GH1: variants seen among roughly 807,000 people sequenced by gnomAD.
GH1 encodes growth hormone 1.
In GH1, 13 loss-of-function variants were observed where a neutral mutation model predicts 24.5. The observed-to-expected ratio is 0.53, with a 90% CI of 0.35 to 0.85. The LOEUF (loss-of-function observed/expected upper bound fraction) is 0.85, where lower values mean the gene tolerates loss of function less well. GH1 is among the 40% of genes least tolerant of loss of function. GH1 has a pLI of 0.01. For synonymous variants in GH1, 126 were observed against 116.3 expected (o/e 1.08, Z -0.54); for missense variants, 294 against 273.2 (o/e 1.08, Z -0.54).
At position 63,918,053 on chromosome 17, in the gene GH1, C is replaced by T. The variant is rs771560181; in HGVS notation, c.255G>A (p.Pro85=). The change falls in exon 3 of 5, where the codon CCG becomes CCA. Residue 85 remains proline (P), a synonymous_variant. Coordinates refer to ENST00000323322, the MANE Select transcript of GH1 (RefSeq NM_000515.5). The part of the protein sequence containing the change: ...QTSLCFSESI[P]TPSNREETQQ... ...GTGTTTCCTCCCTGTTGGAGGGTGT[C>T]GGAATAGACTCTGAGAAACAGAGGG... 3.8e-5 allele frequency: 61 copies of T among 1,613,960 alleles called. No individual in the cohort carries two copies. Among genetic ancestry groups the T allele is most frequent in the Middle Eastern group, 1.6e-4 (1 of 6,084 alleles).
rs367600150 is a variant in GH1, at chr17:63,918,439, G to T, written c.78C>A (p.Ala26=). The change falls in exon 2 of 5, where the codon GCC becomes GCA. Residue 26 remains alanine (A), a synonymous_variant. Coordinates refer to ENST00000323322, the MANE Select transcript of GH1 (RefSeq NM_000515.5). The part of the protein sequence containing the change: ...LCLPWLQEGS[A]FPTIPLSRLF... ...GCCTGGATAAGGGAATGGTTGGGAA[G>T]GCACTGCCCTCTTGAAGCCAGGGCA... is the stretch of plus-strand genomic sequence containing the variant. The T allele has an allele frequency of 7.4e-6, 12 of 1,614,200 alleles. No homozygotes were observed. In the East Asian group the frequency reaches 2.5e-4, roughly 33 times the overall value.
intron 2 of GH1, 39 bp from the exon 3 acceptor site, chr17:63,918,175 C>T (rs376593465): frequency 1.2e-6 from 2 of 1,613,980 alleles, no homozygotes; most frequent in Admixed American, 1.7e-5. Context: ...ACGCTGGAGA[C>T]CAGCTCCCAT....
chr17:63,917,827 C>T lies in GH1; in HGVS notation c.389G>A (p.Gly130Asp). The stretch of plus-strand genomic sequence containing the variant: ...GTCATAGACGTTGCTGTCAGAGGCG[C>T]CGTACACCAGGCTGTTGGCGAAGAC... ...RSVFANSLVYGASDSNVYDLL... is the reference protein window; with the variant it reads ...RSVFANSLVYDASDSNVYDLL... The change falls in exon 4 of 5, where the codon GGC (glycine) becomes GAC (aspartate). Residue 130 changes from glycine (G) to aspartate (D), a missense_variant. By Grantham distance (94) the Gly-to-Asp change is moderately conservative. Transcript: ENST00000323322. 2 of 1,614,194 alleles carry T rather than the reference C, an allele frequency of 1.2e-6. No individual in the cohort carries two copies. The highest frequency in any genetic ancestry group is 1.7e-6 in the Non-Finnish European group (2 of 1,180,032).
chr17:63,918,618 T>A (rs934832919), intron 1 of GH1, 112 bp from the exon 2 acceptor site: 18 of 1,609,862 alleles, frequency 1.1e-5, no homozygotes, highest in African/African-American at 5.4e-5. Context: ...GACCAGGAGC[T>A]TTCTGAGATT....
Position 63,917,276 on chromosome 17 carries a change from T to C in GH1, c.*33A>G, listed in dbSNP as rs747910969. The C allele has an allele frequency of 1.2e-6, 2 of 1,613,948 alleles. No homozygotes were observed. Among genetic ancestry groups the C allele is most frequent in the Non-Finnish European group, 1.7e-6 (2 of 1,179,866 alleles). On this transcript the variant is annotated 3_prime_UTR_variant, in exon 5 of 5. Transcript: ENST00000323322. ...CAACTTCCAGGGCCAGGAGAGGCAC[T>C]GGGGAGGGGTCACAGGGATGCCACC...
Position 63,917,762 on chromosome 17 carries a change from C to A in GH1, c.454G>T (p.Gly152Trp), listed in dbSNP as rs753431488. The A allele has an allele frequency of 2.9e-5, 47 of 1,614,088 alleles. No homozygotes were observed. In the South Asian group the frequency reaches 3.0e-4, roughly 10 times the overall value. Residue 152 changes from glycine to tryptophan, a missense_variant and splice_region_variant, in exon 4 of 5, where the codon GGG (glycine) becomes TGG (tryptophan). Coordinates refer to ENST00000323322, the MANE Select transcript of GH1 (RefSeq NM_000515.5). ...DLEEGIQTLM[G>W]RLEDGSPRTG... ...GGGACCCCTGGCGCCACCCTCACCC[C>A]CATCAGCGTTTGGATGCCTTCCTCT...
intron 1 of GH1, 110 bp downstream of exon 1, chr17:63,918,657 C>G (rs1044868684): frequency 5.0e-6 from 8 of 1,610,636 alleles, no homozygotes; most frequent in Non-Finnish European, 6.8e-6. Context: ...CATGGCGATA[C>G]TCACATTCAG....
chr17:63,917,600 G>A, intron 4 of GH1, 94 bp from the exon 5 acceptor site: 1 of 1,613,936 alleles, frequency 6.2e-7, no homozygotes, highest in Non-Finnish European at 8.5e-7. Context: ...CCTTCAGGGT[G>A]TAGAGAAAGG....
Position 63,918,432 on chromosome 17 carries a change from T to G in GH1, c.85A>C (p.Thr29Pro), listed in dbSNP as rs1238752143. 2 of 1,613,818 alleles carry G rather than the reference T, an allele frequency of 1.2e-6. No homozygotes were observed. The highest frequency in any genetic ancestry group is 3.3e-5 in the Admixed American group (2 of 59,978). The change falls in exon 2 of 5, where the codon ACC becomes CCC. Residue 29 changes from threonine to proline, a missense_variant. Physicochemically the swap from Thr to Pro is conservative, Grantham distance 38 (BLOSUM62 -1). Transcript: ENST00000323322. ...TCAAAAAGCCTGGATAAGGGAATGGTTGGGAAGGCACTGCCCTCTTGAAGC... is the reference window on the plus strand; with the variant it reads ...TCAAAAAGCCTGGATAAGGGAATGGGTGGGAAGGCACTGCCCTCTTGAAGC... ...PWLQEGSAFP[T>P]IPLSRLFDNA...
intron 1 of GH1, 39 bp from the exon 2 acceptor site, chr17:63,918,545 G>A: frequency 5.6e-6 from 9 of 1,613,158 alleles, no homozygotes; most frequent in Non-Finnish European, 7.6e-6. Flanking sequence ...GAGCCGGAGA[G>A]CAAGAGGCCA....
rs200587202 is a variant in GH1, at chr17:63,917,941, G to T, written c.292-17C>A. On this transcript the variant is annotated splice_polypyrimidine_tract_variant and intron_variant, in intron 3 of 4. Transcript: ENST00000323322. The stretch of plus-strand genomic sequence containing the variant: ...CTCTAGGTTCTGCAGGGGAAGGACG[G>T]GCATTGGCTGTGCTGCCCGGGGGCT... 1.9e-6 allele frequency: 3 copies of T among 1,613,960 alleles called. No individual in the cohort carries two copies. In the East Asian group the frequency reaches 6.7e-5, roughly 36 times the overall value.
chr17:63,918,638 C>A, intron 1 of GH1, 129 bp downstream of exon 1: 1 of 1,609,772 alleles, frequency 6.2e-7, no homozygotes, highest in Non-Finnish European at 8.5e-7. Context: ...TGGCCAAATA[C>A]TGGGCTTACA....
Position 63,917,285 on chromosome 17 carries a change from G to T in GH1, c.*24C>A. 6.2e-7 allele frequency: 1 copy of T among 1,614,066 alleles called. No homozygotes were observed. Among genetic ancestry groups the T allele is most frequent in the Non-Finnish European group, 8.5e-7 (1 of 1,179,950 alleles). ...GGGCCAGGAGAGGCACTGGGGAGGG[G>T]TCACAGGGATGCCACCCGGGCAGCT... On this transcript the variant is annotated 3_prime_UTR_variant, in exon 5 of 5. Transcript: ENST00000323322.
Position 63,918,123 on chromosome 17 carries a change from A to G in GH1, c.185T>C (p.Ile62Thr). Reference sequence around the variant, plus strand: ...GAATGAATACTTCTGTTCCTTTGGGATATAGGCTTCTTCCTAGGAGAAGGA... The same window carrying G: ...GAATGAATACTTCTGTTCCTTTGGGGTATAGGCTTCTTCCTAGGAGAAGGA... ...DTYQEFEEAY[I>T]PKEQKYSFLQ... The change falls in exon 3 of 5, where the codon ATC (isoleucine) becomes ACC (threonine). Residue 62 changes from isoleucine (I) to threonine (T), a missense_variant. Coordinates refer to ENST00000323322, the MANE Select transcript of GH1 (RefSeq NM_000515.5). The G allele has an allele frequency of 1.9e-6, 3 of 1,614,088 alleles. No individual in the cohort carries two copies. The highest frequency in any genetic ancestry group is 2.5e-6 in the Non-Finnish European group (3 of 1,180,006).
rs1167619622 is a variant in GH1, at chr17:63,917,223, A to G, written c.*86T>C. On this transcript the variant is annotated 3_prime_UTR_variant, in exon 5 of 5. Transcript: ENST00000323322. ...CAAAATGATGCAACTTAATTTTATT[A>G]GGACAAGGCTGGTGGGCACTGGAGT... is the stretch of plus-strand genomic sequence containing the variant. 2 of 1,597,472 alleles carry G rather than the reference A, an allele frequency of 1.3e-6. No homozygotes were observed. The highest frequency in any genetic ancestry group is 2.7e-5 in the African/African-American group (2 of 74,538).
In GH1 at chr17:63,918,478, A is replaced by G. The variant is rs1907522043; in HGVS notation, c.39T>C (p.Phe13=). The G allele has an allele frequency of 1.2e-6, 2 of 1,614,056 alleles. No individual in the cohort carries two copies. The highest frequency in any genetic ancestry group is 1.3e-5 in the African/African-American group (1 of 74,938). Residue 13 remains phenylalanine (F), a synonymous_variant, in exon 2 of 5, where the codon TTT becomes TTC. Transcript: ENST00000323322. ...TGSRTSLLLA[F]GLLCLPWLQE... is the part of the protein sequence containing the mutation. ...GAAGCCAGGGCAGGCAGAGCAGGCC[A>G]AAAGCCAGGAGCAGGGACGTCCGGG...
At position 63,918,368 on chromosome 17, in the gene GH1, G is replaced by C; in HGVS notation, c.149C>G (p.Ala50Gly). ...MLRAHRLHQL[A>G]FDTYQEFEEA... ...TACAAACTCCTGGTAGGTGTCAAAG[G>C]CCAGCTGGTGCAGACGATGGGCGCG... The change falls in exon 2 of 5, where the codon GCC (alanine) becomes GGC (glycine). Residue 50 changes from alanine (A) to glycine (G), a missense_variant. Coordinates refer to ENST00000323322, the MANE Select transcript of GH1 (RefSeq NM_000515.5). 6.2e-7 allele frequency: 1 copy of C among 1,614,134 alleles called. No individual in the cohort carries two copies. Among genetic ancestry groups the C allele is most frequent in the Non-Finnish European group, 8.5e-7 (1 of 1,180,018 alleles).
At chr17:63,918,322 C>A (rs41295031) in intron 2 of GH1, 24 bp downstream of exon 2, 4 of 1,613,734 alleles carry the variant, frequency 2.5e-6, no homozygotes, top group Non-Finnish European at 3.4e-6. Flanking sequence ...ACCCCTGATG[C>A]GCACCCATTC....
chr17:63,917,373 T>A lies in GH1; in HGVS notation c.590A>T (p.Asp197Val). 6.2e-7 allele frequency: 1 copy of A among 1,613,966 alleles called. No individual in the cohort carries two copies. The highest frequency in any genetic ancestry group is 1.1e-5 in the South Asian group (1 of 91,068). ...GATGCGCAGGAATGTCTCGACCTTG[T>A]CCATGTCCTTCCTGAAGCAGTAGAG... is the stretch of plus-strand genomic sequence containing the variant. ...GLLYCFRKDM[D>V]KVETFLRIVQ... The change falls in exon 5 of 5, where the codon GAC becomes GTC. Residue 197 changes from aspartate to valine, a missense_variant. Coordinates refer to ENST00000323322, the MANE Select transcript of GH1 (RefSeq NM_000515.5).
Sources: allele counts gnomAD v4.1 joint callset, GRCh38; gene constraint gnomAD v4.1.1; transcripts MANE v1.5; gene names NCBI Gene and HGNC (gene_info 2026-07-23, HGNC 2026-07-21).